The following SPECC1 variants were observed in gnomAD, a reference collection of about 807,000 sequenced individuals.
SPECC1 encodes sperm antigen with calponin homology and coiled-coil domains 1.
A neutral mutation model predicts 104.1 loss-of-function variants in SPECC1; 62 were observed. The ratio of observed to expected loss-of-function variants is 0.60; its 90% CI spans 0.49 to 0.74. SPECC1 has a LOEUF of 0.74. Ranked by LOEUF, SPECC1 falls within the 30% of genes least tolerant of loss-of-function variation. The pLI, the probability that SPECC1 is intolerant of heterozygous loss-of-function variation, is 0.00. For synonymous variants in SPECC1, 513 were observed against 501.6 expected (o/e 1.02, Z -0.30); for missense variants, 1,306 against 1,310.5 (o/e 1.00, Z 0.05).
At chr17:20,107,613 C>A (rs1159624976) in intron 2 of SPECC1, among the ~76,000 whole-genome samples, 2 of 151,950 alleles carry the variant, frequency 1.3e-5, no homozygotes, top group Admixed American at 6.6e-5. Flanking sequence ...TGTGTCACCA[C>A]ACCTGGCTAA....
chr17:20,301,177 C>A (rs115291174), intron 13 of SPECC1, among the ~76,000 whole-genome samples: 2 of 152,044 alleles, frequency 1.3e-5, no homozygotes, highest in African/African-American at 4.8e-5. Context: ...TTCAAAGTAA[C>A]GTATCCCAAC....
chr17:20,110,562 G>T lies in SPECC1; in HGVS notation c.283G>T (p.Gly95Trp). The T allele has an allele frequency of 6.2e-7, 1 of 1,611,870 alleles. No individual in the cohort carries two copies. The highest frequency in any genetic ancestry group is 1.1e-5 in the South Asian group (1 of 90,862). ...GGAGAGCCGCCTGAGGAGCGGCACA[G>T]GTAGGAGGGACCGGGCAGGTGGGCT... ...LTESRLRSGT[G>W]AFTTTKRTGI... Residue 95 changes from glycine (G) to tryptophan (W), a missense_variant and splice_region_variant, in exon 3 of 15, where the codon GGG becomes TGG. Physicochemically the swap from Gly to Trp is radical, Grantham distance 184. Around this residue, in one of 2 missense-constraint regions of SPECC1, gnomAD observed 1,177 missense variants for 1,139.9 expected, o/e 1.03. Transcript: ENST00000395527.
chr17:20,018,710 T>TGGGGCCAAGTCCAAAGGAAGCC (rs2044248030), intron 1 of SPECC1, among the ~76,000 whole-genome samples: 1 of 152,180 alleles, frequency 6.6e-6, no homozygotes, highest in East Asian at 1.9e-4. Flanking sequence ...GAAAGGTGCA[T>TGGGGCCAAGTCCAAAGGAAGCC]GGGGCCAAGT....
intron 3 of SPECC1, among the ~76,000 whole-genome samples, chr17:20,183,089 G>T (rs113187117): frequency 6.6e-6 from 1 of 152,228 alleles, no homozygotes; most frequent in African/African-American, 2.4e-5. Context: ...GTAGAGGTCA[G>T]TAGGTATAGG....
chr17:20,288,802 A>G (rs1337147199), intron 12 of SPECC1, among the ~76,000 whole-genome samples: 1 of 118,106 alleles, frequency 8.5e-6, no homozygotes, highest in Non-Finnish European at 1.7e-5. Flanking sequence ...TTTTTGTCCC[A>G]AGACGGAGTC....
intron 1 of SPECC1, among the ~76,000 whole-genome samples, chr17:20,069,421 A>G (rs1054856160): frequency 1.3e-5 from 2 of 152,190 alleles, no homozygotes; most frequent in African/African-American, 4.8e-5. Context: ...TCTCTAAGAA[A>G]ATACTGTCTA....
chr17:20,229,654 A>G (rs914713259), intron 5 of SPECC1, among the ~76,000 whole-genome samples: 5 of 152,222 alleles, frequency 3.3e-5, no homozygotes, highest in Admixed American at 2.0e-4. Flanking sequence ...AGCCTGGGCA[A>G]TAGAGCAAGA....
At chr17:20,202,502 G>A (rs566972721) in intron 3 of SPECC1, among the ~76,000 whole-genome samples, 3 of 152,206 alleles carry the variant, frequency 2.0e-5, no homozygotes, top group South Asian at 2.1e-4. Flanking sequence ...GTTGCCTGTC[G>A]CTTCAGACAG....
At chr17:20,233,929 A>C (rs1302106233) in intron 7 of SPECC1, among the ~76,000 whole-genome samples, 3 of 152,214 alleles carry the variant, frequency 2.0e-5, no homozygotes, top group Non-Finnish European at 4.4e-5. Context: ...GTAAAAGACA[A>C]GTCCTGAGTT....
rs769432899 is a variant in SPECC1 at position 20,205,826 on chromosome 17, C to T, written c.1777C>T (p.Leu593=). The T allele has an allele frequency of 1.5e-5, 24 of 1,614,058 alleles. No homozygotes were observed. The Admixed American group carries it at 4.0e-4, about 27-fold the overall frequency. The change falls in exon 4 of 15, where the codon CTA becomes TTA. Residue 593 remains leucine, a synonymous_variant. Transcript: ENST00000395527. ...MLKVARAEKD[L]LELSCNELRQ... Reference sequence around the variant, plus strand: ...GAAAGTAGCCCGAGCAGAGAAAGATCTACTGGAACTGTCTTGCAATGAGCT... The same window carrying T: ...GAAAGTAGCCCGAGCAGAGAAAGATTTACTGGAACTGTCTTGCAATGAGCT...
At chr17:20,180,200 T>G (rs1289574353) in intron 3 of SPECC1, among the ~76,000 whole-genome samples, 1 of 151,986 alleles carries the variant, frequency 6.6e-6, no homozygotes, top group African/African-American at 2.4e-5. Context: ...TAATATCAAA[T>G]TAGCAAAAGC....
At chr17:20,034,794 G>T (rs549567931) in intron 1 of SPECC1, among the ~76,000 whole-genome samples, 1 of 151,810 alleles carries the variant, frequency 6.6e-6, no homozygotes, top group South Asian at 2.1e-4. Flanking sequence ...TAGTAGAGAT[G>T]GGGCTTCTCC....
intron 1 of SPECC1, among the ~76,000 whole-genome samples, chr17:20,093,329 A>T (rs190279657): frequency 6.4e-4 from 98 of 152,296 alleles, no homozygotes; most frequent in Non-Finnish European, 1.1e-3. Context: ...TCTGCCTCCC[A>T]GATGCCCTAC....
chr17:20,188,424 A>G (rs980185944), intron 3 of SPECC1, among the ~76,000 whole-genome samples: 2 of 151,826 alleles, frequency 1.3e-5, no homozygotes, highest in African/African-American at 4.8e-5. Flanking sequence ...CGCCTGGCTA[A>G]TTTTTGTATT....
intron 3 of SPECC1, among the ~76,000 whole-genome samples, chr17:20,194,723 C>T (rs1304703915): frequency 6.6e-6 from 1 of 151,546 alleles, no homozygotes; most frequent in African/African-American, 2.4e-5. Flanking sequence ...CTAGGATGGT[C>T]TCGATCTCCT....
At chr17:20,081,847 C>T (rs1333029428) in intron 1 of SPECC1, among the ~76,000 whole-genome samples, 1 of 152,134 alleles carries the variant, frequency 6.6e-6, no homozygotes, top group South Asian at 2.1e-4. Flanking sequence ...AATCAACAAA[C>T]CTTTGCTGCC....
chr17:20,313,893 C>A (rs1464163371), intron 14 of SPECC1, 83 bp from the exon 15 acceptor site: 1 of 1,309,664 alleles, frequency 7.6e-7, no homozygotes, highest in East Asian at 2.5e-5. Context: ...CAGTGTAAGC[C>A]CTAACCTGGA....
At chr17:20,298,948 A>AGAGAGAGAGAGAGAGTGTGTGT in intron 13 of SPECC1, among the ~76,000 whole-genome samples, 2 of 49,072 alleles carry the variant, frequency 4.1e-5, no homozygotes, top group African/African-American at 9.3e-5. Flanking sequence ...AGAGAGAGAG[A>AGAGAGAGAGAGAGAGTGTGTGT]GTGTGTGTGT....
chr17:20,034,281 T>A (rs1159895564), intron 1 of SPECC1, among the ~76,000 whole-genome samples: 1 of 148,780 alleles, frequency 6.7e-6, no homozygotes, highest in Non-Finnish European at 1.5e-5. Context: ...ATATTTTTGG[T>A]AGAGACGGGG....
Sources: gnomAD v4.1 joint callset for allele counts (sites outside exome capture counted in the v4.1 genomes callset) on GRCh38, gnomAD v4.1.1 for gene constraint, gnomAD v4.1.1 regional missense constraint, MANE v1.5 for transcripts, NCBI Gene and HGNC (gene_info 2026-07-23, HGNC 2026-07-21) for gene names.